Variants in CEP112 observed in about 807,000 individuals in gnomAD.
The protein encoded by CEP112 is centrosomal protein of 112 kDa.
CEP112 carries 127 observed loss-of-function variants against 153.0 expected under a neutral mutation model. The observed-to-expected ratio is 0.83, with a 90% CI of 0.72 to 0.96. The LOEUF is 0.96. CEP112 is among the 40% of genes least tolerant of loss of function. CEP112 has a pLI of 0.00. For missense variants in CEP112, 1,089 were observed against 1,101.2 expected (o/e 0.99, Z 0.16); for synonymous variants, 358 against 374.4 (o/e 0.96, Z 0.51).
Position 65,902,272 on chromosome 17 carries a change from T to C in CEP112, c.2043A>G (p.Ala681=). 1.2e-6 allele frequency: 2 copies of C among 1,614,024 alleles called. No homozygotes were observed. Among genetic ancestry groups the C allele is most frequent in the Non-Finnish European group, 1.7e-6 (2 of 1,179,980 alleles). ...GGTCTCGGACTAGGCTATCCTTCTC[T>C]GCGTTATGCTGCTGTAATAGGTGCG... ...EKTHLLQQHN[A]EKDSLVRDHE... is the part of the protein sequence containing the mutation. The change falls in exon 20 of 27, where the codon GCA becomes GCG. Residue 681 remains alanine (A), a synonymous_variant. Transcript: ENST00000535342.
intron 19 of CEP112, chr17:65,913,461 C>G (rs903704471): frequency 1.0e-6 from 1 of 978,938 alleles, no homozygotes; most frequent in East Asian, 1.1e-4. Context: ...TTTCTGAACA[C>G]TTTAATAGAA....
intron 19 of CEP112, among the ~76,000 whole-genome samples, chr17:65,920,364 T>C (rs374977725): frequency 3.4e-5 from 1 of 29,706 alleles, no homozygotes; most frequent in African/African-American, 2.0e-4. Context: ...ACAAACAAAA[T>C]ATATATATAT....
rs552513055 is a variant in CEP112, at chr17:65,643,597, G to A, written c.2698-2532C>T. On this transcript the variant is annotated intron_variant, in intron 24 of 26. Coordinates refer to ENST00000535342, the MANE Select transcript of CEP112 (RefSeq NM_001199165.4). ...ATTACAGGCGTGAGCCATGACACCCGGGCCCCCTGGTACTTCTTACACACC... is the reference window on the plus strand; with the variant it reads ...ATTACAGGCGTGAGCCATGACACCCAGGCCCCCTGGTACTTCTTACACACC... Among the ~76,000 whole-genome samples, 7 of 152,020 alleles carry A rather than the reference G, an allele frequency of 4.6e-5. No homozygotes were observed. The East Asian group carries it at 5.8e-4, about 13-fold the overall frequency.
intron 4 of CEP112, among the ~76,000 whole-genome samples, chr17:66,170,436 A>T (rs970059374): frequency 5.3e-5 from 8 of 152,126 alleles, no homozygotes; most frequent in African/African-American, 1.7e-4. Flanking sequence ...CATGCTCCAA[A>T]CTCAAATATA....
chr17:66,101,494 G>C (rs1255981966), intron 6 of CEP112, among the ~76,000 whole-genome samples: 1 of 152,032 alleles, frequency 6.6e-6, no homozygotes, highest in African/African-American at 2.4e-5. Context: ...GATGCTTCCT[G>C]ATTAAGTATT....
intron 18 of CEP112, among the ~76,000 whole-genome samples, chr17:65,949,016 A>T (rs1331091048): frequency 6.6e-6 from 1 of 152,114 alleles, no homozygotes; most frequent in East Asian, 1.9e-4. Flanking sequence ...ACTTAAAAAT[A>T]TAGACTATGG....
intron 18 of CEP112, among the ~76,000 whole-genome samples, chr17:65,961,029 A>G (rs539560339): frequency 1.1e-4 from 16 of 151,616 alleles, no homozygotes; most frequent in Admixed American, 2.0e-4. Flanking sequence ...AAAACTACCC[A>G]TCTTATATAA....
At chr17:65,660,313 TTTC>T (rs1456938645) in intron 24 of CEP112, among the ~76,000 whole-genome samples, 1 of 123,566 alleles carries the variant, frequency 8.1e-6, no homozygotes, top group Non-Finnish European at 1.6e-5. Context: ...TCTCTCTTTC[TTTC>T]TTCCTTTCTT....
chr17:66,098,681 G>C (rs2068443889), intron 6 of CEP112, among the ~76,000 whole-genome samples: 1 of 152,186 alleles, frequency 6.6e-6, no homozygotes, highest in South Asian at 2.1e-4. Flanking sequence ...GTGGACGCCA[G>C]ATCCTATAAA....
At chr17:65,749,692 A>G (rs555989069) in intron 22 of CEP112, among the ~76,000 whole-genome samples, 1 of 148,932 alleles carries the variant, frequency 6.7e-6, no homozygotes, top group South Asian at 2.1e-4. Context: ...AAATGGCACC[A>G]GTAATAGTTC....
At chr17:65,885,637 C>A (rs2059249230) in intron 20 of CEP112, among the ~76,000 whole-genome samples, 1 of 152,174 alleles carries the variant, frequency 6.6e-6, no homozygotes, top group Non-Finnish European at 1.5e-5. Context: ...ACCAATCAAC[C>A]AAACACCTCA....
At chr17:65,922,616 C>T (rs1306881385) in intron 19 of CEP112, among the ~76,000 whole-genome samples, 4 of 152,012 alleles carry the variant, frequency 2.6e-5, no homozygotes, top group Non-Finnish European at 5.9e-5. Flanking sequence ...TTAAAACTCC[C>T]ACAGAGAACT....
At chr17:66,071,317 C>A (rs1477118153) in intron 8 of CEP112, among the ~76,000 whole-genome samples, 1 of 152,012 alleles carries the variant, frequency 6.6e-6, no homozygotes, top group East Asian at 1.9e-4. Context: ...CTCTAAATCA[C>A]ACAATATTTC....
intron 16 of CEP112, among the ~76,000 whole-genome samples, chr17:66,024,814 T>C (rs62063393): frequency 0.15 from 22,966 of 151,954 alleles, 2,456 homozygotes; most frequent in African/African-American, 0.3. Flanking sequence ...TCATATGGCA[T>C]TAAAAAAGAG....
At chr17:66,042,085 A>G (rs981204363) in intron 12 of CEP112, among the ~76,000 whole-genome samples, 6 of 152,194 alleles carry the variant, frequency 3.9e-5, no homozygotes, top group Non-Finnish European at 7.3e-5. Flanking sequence ...ACGGTGATTC[A>G]TGCCTGTAAT....
At chr17:66,091,735 T>C (rs765259861) in intron 8 of CEP112, among the ~76,000 whole-genome samples, 1 of 151,742 alleles carries the variant, frequency 6.6e-6, no homozygotes, top group Admixed American at 6.6e-5. Context: ...AAAAGGTCAG[T>C]AAAATTAAGA....
chr17:65,670,377 C>A (rs2046926700), intron 24 of CEP112, among the ~76,000 whole-genome samples: 1 of 151,290 alleles, frequency 6.6e-6, no homozygotes, highest in African/African-American at 2.4e-5. Flanking sequence ...AAAAAAAAAC[C>A]CTCATAATTG....
chr17:65,852,093 G>C, intron 20 of CEP112, 59 bp from the exon 21 acceptor site: 2 of 1,166,120 alleles, frequency 1.7e-6, no homozygotes, highest in East Asian at 2.4e-5. Flanking sequence ...CACAAAAGAA[G>C]AACCAATGGG....
chr17:65,639,834 TTC>T (rs2045006041), intron 25 of CEP112, among the ~76,000 whole-genome samples: 2 of 109,070 alleles, frequency 1.8e-5, no homozygotes, highest in Admixed American at 1.2e-4. Flanking sequence ...CTCTCTTTCT[TTC>T]TTTTTTTTTT....
Sources: gnomAD v4.1 joint callset for allele counts (sites outside exome capture counted in the v4.1 genomes callset) on GRCh38, gnomAD v4.1.1 for gene constraint, MANE v1.5 for transcripts, NCBI Gene and HGNC (gene_info 2026-07-23, HGNC 2026-07-21) for gene names.